Variants in TRHDE observed in about 807,000 individuals in gnomAD.
The protein encoded by TRHDE is thyrotropin releasing hormone degrading enzyme.
TRHDE carries 72 observed loss-of-function variants against 125.7 expected under a neutral mutation model. That is an observed-to-expected ratio of 0.57 (90% CI 0.47 to 0.70). The LOEUF (loss-of-function observed/expected upper bound fraction) is 0.70, where lower values mean the gene tolerates loss of function less well. Ranked by LOEUF, TRHDE falls within the 30% of genes least tolerant of loss-of-function variation. TRHDE has a pLI of 0.00. For missense variants in TRHDE, 1,110 were observed against 1,327.1 expected (o/e 0.84, Z 2.54); for synonymous variants, 509 against 509.1 (o/e 1.00, Z 0.00).
At chr12:72,495,326 G>C (rs1877869038) in intron 5 of TRHDE, among the ~76,000 whole-genome samples, 1 of 151,806 alleles carries the variant, frequency 6.6e-6, no homozygotes, top group African/African-American at 2.4e-5. Flanking sequence ...ATTTTCCTAA[G>C]ACACTACTTT....
chr12:72,181,086 G>A (rs1877087873), intron 2 of TRHDE, among the ~76,000 whole-genome samples: 1 of 152,164 alleles, frequency 6.6e-6, no homozygotes, highest in Non-Finnish European at 1.5e-5. Flanking sequence ...GAGAATGGAT[G>A]ACTTATTTTT....
intron 2 of TRHDE, among the ~76,000 whole-genome samples, chr12:72,152,287 A>T (rs1876386593): frequency 6.6e-6 from 1 of 151,706 alleles, no homozygotes; most frequent in Non-Finnish European, 1.5e-5. Flanking sequence ...CAGCTTAAGG[A>T]GATTTCGGGC....
intron 2 of TRHDE, among the ~76,000 whole-genome samples, chr12:72,220,113 G>C (rs1163012697): frequency 6.6e-6 from 1 of 152,142 alleles, no homozygotes; most frequent in Non-Finnish European, 1.5e-5. Context: ...ATCAGTTTAG[G>C]ATGTGTGGTG....
intron 7 of TRHDE, among the ~76,000 whole-genome samples, chr12:72,548,524 C>T (rs1869529742): frequency 6.6e-6 from 1 of 151,690 alleles, no homozygotes; most frequent in African/African-American, 2.4e-5. Context: ...TTCAATAGCT[C>T]AAATCCTGAT....
At chr12:72,641,997 A>T (rs1874084178) in intron 15 of TRHDE, among the ~76,000 whole-genome samples, 1 of 152,202 alleles carries the variant, frequency 6.6e-6, no homozygotes, top group African/African-American at 2.4e-5. Context: ...TAAAGACCTC[A>T]TGAAAGAAAC....
chr12:72,281,687 A>T (rs1879703132), intron 1 of TRHDE, among the ~76,000 whole-genome samples: 1 of 152,220 alleles, frequency 6.6e-6, no homozygotes, highest in African/African-American at 2.4e-5. Flanking sequence ...AGTGTTATGC[A>T]AATGTTTGTT....
intron 15 of TRHDE, among the ~76,000 whole-genome samples, chr12:72,635,448 AG>A (rs1873699057): frequency 6.6e-6 from 1 of 152,040 alleles, no homozygotes; most frequent in Admixed American, 6.6e-5. Context: ...CCCATTCTGT[AG>A]GTTGCCTGTT....
At chr12:72,102,562 T>G (rs1875093292) in intron 1 of TRHDE, among the ~76,000 whole-genome samples, 1 of 152,178 alleles carries the variant, frequency 6.6e-6, no homozygotes, top group Admixed American at 6.5e-5. Flanking sequence ...ATCTTATACT[T>G]TAACTAGTTC....
intron 3 of TRHDE, among the ~76,000 whole-genome samples, chr12:72,398,158 T>A (rs1872884249): frequency 1.3e-5 from 2 of 152,092 alleles, no homozygotes; most frequent in African/African-American, 4.8e-5. Context: ...ACAAAGGACA[T>A]GAACTCATCC....
intron 3 of TRHDE, among the ~76,000 whole-genome samples, chr12:72,468,874 G>A (rs1342730474): frequency 1.3e-5 from 2 of 152,132 alleles, no homozygotes; most frequent in Non-Finnish European, 2.9e-5. Flanking sequence ...TTTTAAGCCT[G>A]GAGATGTTTT....
intron 2 of TRHDE, among the ~76,000 whole-genome samples, chr12:72,144,988 A>T (rs1431495710): frequency 6.6e-6 from 1 of 152,124 alleles, no homozygotes; most frequent in Non-Finnish European, 1.5e-5. Flanking sequence ...CTTCTCTGCC[A>T]CGTCTACTTG....
At chr12:72,633,372 A>G (rs887180451) in intron 15 of TRHDE, among the ~76,000 whole-genome samples, 2 of 152,080 alleles carry the variant, frequency 1.3e-5, no homozygotes, top group African/African-American at 4.8e-5. Flanking sequence ...GATAATTTTA[A>G]ATACATTTAT....
At chr12:72,621,288 C>A in intron 14 of TRHDE, 83 bp downstream of exon 14, 2 of 875,688 alleles carry the variant, frequency 2.3e-6, no homozygotes, top group Admixed American at 2.1e-5. Context: ...ACTTTAGCTG[C>A]ATGAGACAAT....
intron 5 of TRHDE, among the ~76,000 whole-genome samples, chr12:72,490,200 A>G (rs561054121): frequency 2.0e-5 from 3 of 152,040 alleles, no homozygotes; most frequent in Non-Finnish European, 4.4e-5. Flanking sequence ...TCCAAAAGAG[A>G]CATAAAAATA....
At chr12:72,282,464 A>G (rs773902083) in intron 1 of TRHDE, among the ~76,000 whole-genome samples, 8 of 152,318 alleles carry the variant, frequency 5.3e-5, no homozygotes, top group Middle Eastern at 3.4e-3. Flanking sequence ...CAACCATAAA[A>G]TATATGCAGT....
intron 2 of TRHDE, among the ~76,000 whole-genome samples, chr12:72,170,604 C>T (rs1876851237): frequency 6.6e-6 from 1 of 151,972 alleles, no homozygotes; most frequent in African/African-American, 2.4e-5. Context: ...TTGGCTCTAC[C>T]TTTGATGTTT....
At chr12:72,387,786 G>A (rs932727416) in intron 3 of TRHDE, among the ~76,000 whole-genome samples, 8 of 152,040 alleles carry the variant, frequency 5.3e-5, no homozygotes. Context: ...TTTATAAGGG[G>A]AACACCCTTT....
At chr12:72,182,493 C>A (rs543809185) in intron 2 of TRHDE, among the ~76,000 whole-genome samples, 1 of 152,274 alleles carries the variant, frequency 6.6e-6, no homozygotes, top group Non-Finnish European at 1.5e-5. Context: ...GGACTCAGGA[C>A]CAAAATTGGC....
At chr12:72,261,698 T>C (rs959273015) in intron 2 of TRHDE, among the ~76,000 whole-genome samples, 3 of 152,132 alleles carry the variant, frequency 2.0e-5, no homozygotes, top group Non-Finnish European at 4.4e-5. Context: ...CATCCTGATG[T>C]TCTATATATT....
Sources: gnomAD v4.1 joint callset for allele counts (sites outside exome capture counted in the v4.1 genomes callset) on GRCh38, gnomAD v4.1.1 for gene constraint, MANE v1.5 for transcripts, NCBI Gene and HGNC (gene_info 2026-07-23, HGNC 2026-07-21) for gene names.